PREX2: variants seen among roughly 807,000 people sequenced by gnomAD.
PREX2 encodes the protein phosphatidylinositol 3,4,5-trisphosphate-dependent Rac exchanger 2 protein.
A neutral mutation model predicts 203.2 loss-of-function variants in PREX2; 107 were observed. The observed-to-expected ratio is 0.53, with a 90% CI of 0.45 to 0.62. The LOEUF (loss-of-function observed/expected upper bound fraction) is 0.62. PREX2 is among the 20% of genes least tolerant of loss of function. The pLI is 0.00. For missense variants in PREX2, 1,777 were observed against 1,955.9 expected, an observed-to-expected ratio of 0.91 and a Z score of 1.72; for synonymous variants, 672 against 663.6, an observed-to-expected ratio of 1.01 and a Z score of -0.19.
intron 1 of PREX2, among the ~76,000 whole-genome samples, chr8:67,989,534 CA>C (rs1203171946): frequency 1.3e-5 from 2 of 152,022 alleles, no homozygotes; most frequent in Non-Finnish European, 2.9e-5. Context: ...ACTGTTTAGC[CA>C]AATTAGCCGA....
intron 35 of PREX2, among the ~76,000 whole-genome samples, chr8:68,173,793 C>A (rs937568778): frequency 1.3e-5 from 2 of 152,068 alleles, no homozygotes; most frequent in Admixed American, 6.6e-5. Context: ...TTGAAGAGAA[C>A]CTCCTCTGTC....
intron 37 of PREX2, among the ~76,000 whole-genome samples, chr8:68,193,958 G>T (rs879551830): frequency 6.6e-6 from 1 of 152,152 alleles, no homozygotes; most frequent in African/African-American, 2.4e-5. Flanking sequence ...TTAATTTTTT[G>T]TGGTTGGCAA....
At chr8:68,173,101 T>G (rs1238050153) in intron 35 of PREX2, among the ~76,000 whole-genome samples, 2 of 152,212 alleles carry the variant, frequency 1.3e-5, no homozygotes, top group African/African-American at 4.8e-5. Flanking sequence ...GGCAACCATG[T>G]CCTAGTTCCT....
intron 38 of PREX2, among the ~76,000 whole-genome samples, chr8:68,218,742 G>A (rs1812894176): frequency 6.6e-6 from 1 of 152,194 alleles, no homozygotes; most frequent in South Asian, 2.1e-4. Context: ...CATCAAGCTG[G>A]TGTCTGCAAT....
chr8:67,960,477 C>G (rs1481259386), intron 1 of PREX2, among the ~76,000 whole-genome samples: 1 of 152,146 alleles, frequency 6.6e-6, no homozygotes, highest in Non-Finnish European at 1.5e-5. Flanking sequence ...GTCACCCTGT[C>G]TTTTCCAAGC....
At chr8:68,112,365 GA>G (rs1810551507) in intron 25 of PREX2, among the ~76,000 whole-genome samples, 1 of 152,136 alleles carries the variant, frequency 6.6e-6, no homozygotes, top group Non-Finnish European at 1.5e-5. Flanking sequence ...TCACAGGGAG[GA>G]AAGGGGACTG....
chr8:67,969,859 T>G (rs1805875861), intron 1 of PREX2, among the ~76,000 whole-genome samples: 1 of 152,166 alleles, frequency 6.6e-6, no homozygotes, highest in Non-Finnish European at 1.5e-5. Flanking sequence ...CTCACATACA[T>G]TCCCAGGTGA....
At chr8:68,061,465 G>C (rs6993547) in intron 11 of PREX2, among the ~76,000 whole-genome samples, 26,905 of 152,158 alleles carry the variant, frequency 0.18, 2,347 homozygotes, top group Non-Finnish European at 0.19. Flanking sequence ...TCAAGACTGC[G>C]AGCACTAGGC....
intron 1 of PREX2, among the ~76,000 whole-genome samples, chr8:68,014,124 A>G (rs1019681037): frequency 2.0e-5 from 3 of 152,216 alleles, no homozygotes; most frequent in African/African-American, 7.2e-5. Context: ...AACTAGCAAC[A>G]GCATAAATGG....
intron 11 of PREX2, 152 bp from the exon 12 acceptor site, chr8:68,068,881 C>A: frequency 4.9e-6 from 2 of 411,298 alleles, no homozygotes; most frequent in Non-Finnish European, 8.5e-6. Flanking sequence ...TGTTAAAATA[C>A]TCAATTGGTA....
At chr8:68,085,584 C>G (rs35663953) in intron 18 of PREX2, among the ~76,000 whole-genome samples, 32,969 of 152,034 alleles carry the variant, frequency 0.22, 3,861 homozygotes, top group African/African-American at 0.31. Context: ...GACTTTGTAG[C>G]AGATAATTTA....
chr8:68,101,238 T>C (rs1810255412), intron 23 of PREX2, among the ~76,000 whole-genome samples: 1 of 152,150 alleles, frequency 6.6e-6, no homozygotes, highest in Non-Finnish European at 1.5e-5. Flanking sequence ...TGCATGAGAA[T>C]AGGGATGTGT....
At chr8:68,224,752 T>C (rs1353166637) in intron 39 of PREX2, 126 bp downstream of exon 39, 1 of 668,330 alleles carries the variant, frequency 1.5e-6, no homozygotes, top group South Asian at 1.9e-5. Flanking sequence ...TTACGGAGAT[T>C]GCCCTTGAAA....
intron 38 of PREX2, among the ~76,000 whole-genome samples, chr8:68,223,161 G>T (rs1466049174): frequency 2.6e-5 from 4 of 152,156 alleles, no homozygotes; most frequent in Non-Finnish European, 5.9e-5. Context: ...GTTAATTCTT[G>T]GTTTTAGTAA....
intron 37 of PREX2, among the ~76,000 whole-genome samples, chr8:68,215,278 G>T (rs1563591099): frequency 6.6e-6 from 1 of 152,140 alleles, no homozygotes; most frequent in African/African-American, 2.4e-5. Flanking sequence ...TGTAAGTCTT[G>T]TTTATAAGTG....
intron 6 of PREX2, among the ~76,000 whole-genome samples, chr8:68,036,887 C>T (rs1246621208): frequency 6.6e-6 from 1 of 151,968 alleles, no homozygotes; most frequent in Non-Finnish European, 1.5e-5. Context: ...TTGTGGCGAG[C>T]CAATATCGTG....
chr8:68,140,927 C>T (rs961405295), intron 33 of PREX2, among the ~76,000 whole-genome samples: 2 of 151,976 alleles, frequency 1.3e-5, no homozygotes, highest in African/African-American at 4.8e-5. Flanking sequence ...GCATGCCAAG[C>T]AAGTAGAAGT....
intron 37 of PREX2, among the ~76,000 whole-genome samples, chr8:68,194,188 G>T (rs1266287750): frequency 6.6e-6 from 1 of 152,118 alleles, no homozygotes; most frequent in East Asian, 1.9e-4. Context: ...CAATAAATAT[G>T]CATTGAGCAC....
intron 34 of PREX2, among the ~76,000 whole-genome samples, chr8:68,147,523 T>C (rs745500596): frequency 2.6e-5 from 4 of 152,170 alleles, no homozygotes; most frequent in Non-Finnish European, 5.9e-5. Flanking sequence ...TCTGCCACCA[T>C]GTGAGACTTG....
Sources: gnomAD v4.1 joint callset for allele counts (sites outside exome capture counted in the v4.1 genomes callset) on GRCh38, gnomAD v4.1.1 for gene constraint, MANE v1.5 for transcripts, NCBI Gene and HGNC (gene_info 2026-07-23, HGNC 2026-07-21) for gene names.